Variants in IGF1 observed in about 807,000 individuals in gnomAD.
The protein encoded by IGF1 is insulin like growth factor 1, also known as insulin-like growth factor 1.
In IGF1, 4 loss-of-function variants were observed where a neutral mutation model predicts 13.8. The observed-to-expected ratio is 0.29, with a 90% CI of 0.14 to 0.66. The LOEUF (loss-of-function observed/expected upper bound fraction) is 0.66, where lower values mean the gene tolerates loss of function less well. IGF1 is among the 30% of genes least tolerant of loss of function. The pLI, the probability that IGF1 is intolerant of heterozygous loss-of-function variation, is 0.78. For missense variants in IGF1, 124 were observed against 188.5 expected, an observed-to-expected ratio of 0.66 and a Z score of 2.00; for synonymous variants, 76 against 72.6, an observed-to-expected ratio of 1.05 and a Z score of -0.23.
chr12:102,433,272 C>T (rs143951167), intron 2 of IGF1, among the ~76,000 whole-genome samples: 12 of 152,266 alleles, frequency 7.9e-5, no homozygotes, highest in South Asian at 2.1e-4. Flanking sequence ...GAATTGTAGA[C>T]GCTATTCTCA....
chr12:102,435,861 C>G (rs1283582253), intron 2 of IGF1, among the ~76,000 whole-genome samples: 2 of 152,198 alleles, frequency 1.3e-5, no homozygotes. Context: ...TCAACAGGTA[C>G]TGGGGTGGTG....
intron 2 of IGF1, among the ~76,000 whole-genome samples, chr12:102,469,284 A>AT (rs1013085398): frequency 2.0e-5 from 3 of 152,156 alleles, no homozygotes; most frequent in African/African-American, 2.4e-5. Context: ...ATTAAACAGC[A>AT]TTTTTTTAGT....
At chr12:102,438,860 C>T (rs771838305) in intron 2 of IGF1, among the ~76,000 whole-genome samples, 1 of 152,146 alleles carries the variant, frequency 6.6e-6, no homozygotes, top group African/African-American at 2.4e-5. Flanking sequence ...GGGACCTCCC[C>T]CATCCAATCC....
At chr12:102,467,589 A>G (rs1183777140) in intron 2 of IGF1, among the ~76,000 whole-genome samples, 2 of 152,214 alleles carry the variant, frequency 1.3e-5, no homozygotes, top group African/African-American at 2.4e-5. Flanking sequence ...CACACCATAT[A>G]GGAGACAGGC....
In IGF1 at chr12:102,398,682, T is replaced by C. The variant is rs1202499498; in HGVS notation, c.*3825A>G. 1 of 152,200 alleles carries C rather than the reference T, an allele frequency of 6.6e-6. No individual in the cohort carries two copies. Among genetic ancestry groups the C allele is most frequent in the African/African-American group, 2.4e-5 (1 of 41,452 alleles). 9.4% of individuals were successfully genotyped at this position (152,200 alleles called of 1,614,324 possible). On this transcript the variant is annotated 3_prime_UTR_variant, in exon 4 of 4. Coordinates refer to ENST00000337514, the MANE Select transcript of IGF1 (RefSeq NM_000618.5). ...ACACTACTTGTGAGTGATAAAAAGT[T>C]GAAAGGTGGTGGTGGCTAGATAGAC...
At chr12:102,427,974 G>T (rs913710013) in intron 2 of IGF1, among the ~76,000 whole-genome samples, 2 of 151,902 alleles carry the variant, frequency 1.3e-5, no homozygotes, top group Non-Finnish European at 2.9e-5. Flanking sequence ...GGATTGAGAG[G>T]TCCTGGGGAA....
intron 2 of IGF1, among the ~76,000 whole-genome samples, chr12:102,422,199 T>C (rs989689759): frequency 6.6e-6 from 1 of 152,206 alleles, no homozygotes; most frequent in Non-Finnish European, 1.5e-5. Context: ...CAATGTTCCA[T>C]AGAGAAAGTT....
Position 102,423,807 on chromosome 12 carries a change from A to G in IGF1, c.221-4117T>C, listed in dbSNP as rs533377395. The stretch of plus-strand genomic sequence containing the variant: ...TCACATTTTGTAATGGATGCAAGCA[A>G]CTCGCTCCCCTCCATCTCTGAAGGG... On this transcript the variant is annotated intron_variant, in intron 2 of 3. Coordinates refer to ENST00000337514, the MANE Select transcript of IGF1 (RefSeq NM_000618.5). 2.6e-5 allele frequency among the ~76,000 whole-genome samples: 4 copies of G among 152,184 alleles called. No homozygotes were observed. In the East Asian group the frequency reaches 5.8e-4, roughly 22 times the overall value.
intron 1 of IGF1, among the ~76,000 whole-genome samples, chr12:102,476,934 C>G (rs1000233476): frequency 1.3e-5 from 2 of 152,146 alleles, no homozygotes; most frequent in Non-Finnish European, 2.9e-5. Flanking sequence ...TTCCAAGAAG[C>G]CTCTCAAGGT....
intron 2 of IGF1, among the ~76,000 whole-genome samples, chr12:102,451,980 C>T (rs1032628234): frequency 1.2e-4 from 18 of 152,148 alleles, no homozygotes; most frequent in East Asian, 3.9e-4. Flanking sequence ...ATGTCTACTT[C>T]GGCCGGGCGC....
chr12:102,414,146 A>G (rs1874882558), intron 3 of IGF1, among the ~76,000 whole-genome samples: 1 of 152,144 alleles, frequency 6.6e-6, no homozygotes, highest in South Asian at 2.1e-4. Flanking sequence ...GTGCTGTAAT[A>G]TGTGTCTCTG....
intron 2 of IGF1, chr12:102,463,549 G>T (rs1291079089): frequency 6.6e-5 from 10 of 152,208 alleles, no homozygotes; most frequent in Admixed American, 6.5e-4. Flanking sequence ...AAGGTACACA[G>T]TCCTACAGTC....
intron 3 of IGF1, among the ~76,000 whole-genome samples, chr12:102,410,321 A>G (rs1006139344): frequency 6.6e-6 from 1 of 152,138 alleles, no homozygotes; most frequent in Non-Finnish European, 1.5e-5. Context: ...TGTTGATTTT[A>G]TGGGCAGCTT....
At chr12:102,419,764 C>G (rs1356299856) in intron 2 of IGF1, 74 bp from the exon 3 acceptor site, 1 of 1,444,128 alleles carries the variant, frequency 6.9e-7, no homozygotes, top group Non-Finnish European at 9.6e-7. Flanking sequence ...CAGCTCCTGC[C>G]TCTCCCCACA....
In IGF1 at chr12:102,452,241, G is replaced by A. The variant is rs879894718; in HGVS notation, c.220+23402C>T. Among the ~76,000 whole-genome samples the A allele has an allele frequency of 7.3e-5, 8 of 109,436 alleles. No individual in the cohort carries two copies. In the South Asian group the frequency reaches 9.5e-4, roughly 13 times the overall value. 71.8% of individuals were successfully genotyped at this position (109,436 alleles called of 152,430 possible). A position where few individuals can be genotyped will look rare whatever the true frequency, so the allele number is the denominator to read the frequency against. On this transcript the variant is annotated intron_variant, in intron 2 of 3. Transcript: ENST00000337514. Reference sequence around the variant, plus strand: ...CGCGCCACTGCACTCCAGCCTGGGCGACAGAGCGAGACTCCGTCTCAAAAA... The same window carrying A: ...CGCGCCACTGCACTCCAGCCTGGGCAACAGAGCGAGACTCCGTCTCAAAAA...
intron 2 of IGF1, among the ~76,000 whole-genome samples, chr12:102,458,120 A>G (rs905435205): frequency 4.6e-5 from 7 of 152,290 alleles, no homozygotes; most frequent in South Asian, 2.1e-4. Context: ...CTTGTTGACA[A>G]TCCTTCTGCA....
At chr12:102,429,957 C>A (rs1353124902) in intron 2 of IGF1, among the ~76,000 whole-genome samples, 1 of 152,152 alleles carries the variant, frequency 6.6e-6, no homozygotes, top group Non-Finnish European at 1.5e-5. Context: ...AGTTGGCCTC[C>A]TTGAGAATAC....
intron 2 of IGF1, among the ~76,000 whole-genome samples, chr12:102,449,317 T>G (rs1878694291): frequency 6.6e-6 from 1 of 151,682 alleles, no homozygotes. Context: ...ACACCACATT[T>G]TCTCACTCAT....
chr12:102,408,667 C>A (rs943599551), intron 3 of IGF1, among the ~76,000 whole-genome samples: 2 of 152,146 alleles, frequency 1.3e-5, no homozygotes, highest in African/African-American at 2.4e-5. Context: ...ACAGGGCAGG[C>A]CCCTCCCAAG....
Sources: gnomAD v4.1 joint callset for allele counts (sites outside exome capture counted in the v4.1 genomes callset) on GRCh38, gnomAD v4.1.1 for gene constraint, MANE v1.5 for transcripts, NCBI Gene and HGNC (gene_info 2026-07-23, HGNC 2026-07-21) for gene names.